Variants in SYNPO observed in about 807,000 individuals in gnomAD.
The protein encoded by SYNPO is synaptopodin.
SYNPO carries 19 observed loss-of-function variants against 49.5 expected under a neutral mutation model. The ratio of observed to expected loss-of-function variants is 0.38; its 90% CI spans 0.27 to 0.56. The LOEUF (loss-of-function observed/expected upper bound fraction) is 0.56. Ranked by LOEUF, SYNPO falls within the 20% of genes least tolerant of loss-of-function variation. SYNPO has a pLI of 0.68. For missense variants in SYNPO, 1,131 were observed against 1,248.3 expected (o/e 0.91, Z 1.42); for synonymous variants, 536 against 548.0 (o/e 0.98, Z 0.31).
At chr5:150,590,419 A>T in the SYNPO span, among the ~76,000 whole-genome samples, 1 of 152,252 alleles carries the variant, frequency 6.6e-6, no homozygotes, top group African/African-American at 2.4e-5. Flanking sequence ...GCTCCAGGCC[A>T]CACAGCAACT....
At chr5:150,639,353 G>A (rs566334326), upstream of SYNPO, among the ~76,000 whole-genome samples, 9 of 152,350 alleles carry the variant, frequency 5.9e-5, no homozygotes, top group East Asian at 5.8e-4. Context: ...TCAACCTGCC[G>A]TTTCCTCTGA....
At chr5:150,650,343 C>CG in intron 2 of SYNPO, 40 bp downstream of exon 2, 2 of 1,613,096 alleles carry the variant, frequency 1.2e-6, no homozygotes, top group Non-Finnish European at 1.7e-6. Flanking sequence ...ACGAACCCCA[C>CG]GGGGGTCCCA....
intron 1 of SYNPO, among the ~76,000 whole-genome samples, chr5:150,645,479 G>A (rs985385269): frequency 2.6e-5 from 4 of 152,216 alleles, no homozygotes; most frequent in African/African-American, 9.6e-5. Context: ...TATAAATTGA[G>A]CATCAACTGT....
the SYNPO span, among the ~76,000 whole-genome samples, chr5:150,590,245 A>G: frequency 6.6e-6 from 1 of 152,190 alleles, no homozygotes; most frequent in Non-Finnish European, 1.5e-5. Flanking sequence ...ATGAGGCCTG[A>G]GATGGTCCCC....
chr5:150,609,461 A>G (rs1756783659), intron 1 of SYNPO, among the ~76,000 whole-genome samples: 1 of 151,928 alleles, frequency 6.6e-6, no homozygotes, highest in South Asian at 2.1e-4. Context: ...CGCCCAGCTA[A>G]TTTTTGTATT....
intron 2 of SYNPO, among the ~76,000 whole-genome samples, chr5:150,629,624 C>A (rs1757473854): frequency 6.6e-6 from 1 of 152,122 alleles, no homozygotes; most frequent in Non-Finnish European, 1.5e-5. Context: ...AGTGGGCTAA[C>A]CTGAGACCCT....
chr5:150,627,455 G>A (rs1408817907), intron 2 of SYNPO, among the ~76,000 whole-genome samples: 1 of 152,206 alleles, frequency 6.6e-6, no homozygotes, highest in East Asian at 1.9e-4. Context: ...CTAGCAATGG[G>A]TTGGGATGGG....
intron 2 of SYNPO, among the ~76,000 whole-genome samples, chr5:150,656,077 A>C (rs1344939153): frequency 6.6e-6 from 1 of 152,268 alleles, no homozygotes; most frequent in Non-Finnish European, 1.5e-5. Context: ...TATAAGGTTA[A>C]GTACTGTTAT....
At chr5:150,650,481 T>C (rs1019347510) in intron 2 of SYNPO, 178 bp downstream of exon 2, 2 of 1,506,248 alleles carry the variant, frequency 1.3e-6, no homozygotes, top group Middle Eastern at 2.3e-4. Context: ...GCTGGCTTTG[T>C]GACCTTGGGC....
At position 150,649,296 on chromosome 5, in the gene SYNPO, T is replaced by C; in HGVS notation, c.1021T>C (p.Ser341Pro). 1 of 1,614,136 alleles carries C rather than the reference T, an allele frequency of 6.2e-7. No homozygotes were observed. Among genetic ancestry groups the C allele is most frequent in the Non-Finnish European group, 8.5e-7 (1 of 1,180,010 alleles). Residue 341 changes from serine to proline, a missense_variant, in exon 2 of 3, where the codon TCT (serine) becomes CCT (proline). By Grantham distance (74) the Ser-to-Pro change is moderately conservative. Around this residue, in one of 4 missense-constraint regions of SYNPO, gnomAD observed 602 missense variants for 720.7 expected, o/e 0.84. Coordinates refer to ENST00000307662, the MANE Select transcript of SYNPO (RefSeq NM_007286.6). Reference sequence around the variant, plus strand: ...CTGGGTGAGGTCTCCTCCCTCATATTCTGTCCTGTATCCCAGCTCCGACCC... The same window carrying C: ...CTGGGTGAGGTCTCCTCCCTCATATCCTGTCCTGTATCCCAGCTCCGACCC... ...ASWVRSPPSY[S>P]VLYPSSDPKS...
rs542769874 is a variant in SYNPO at position 150,622,546 on chromosome 5, C to A, written c.400+3779C>A. ...CTGGAGGTGTGTAGCAGATTTAGAG[C>A]CACTTCCAACTCTAGTGGACACTGT... On this transcript the variant is annotated intron_variant, in intron 2 of 2. Coordinates refer to the SYNPO transcript ENST00000394243. 3.7e-4 allele frequency among the ~76,000 whole-genome samples: 57 copies of A among 152,344 alleles called. 1 individual carries two copies. The highest frequency in any genetic ancestry group is 6.8e-3 in the Middle Eastern group (2 of 294).
At chr5:150,633,348 A>G (rs1367552059) in intron 2 of SYNPO, among the ~76,000 whole-genome samples, 1 of 152,234 alleles carries the variant, frequency 6.6e-6, no homozygotes, top group Non-Finnish European at 1.5e-5. Context: ...GATCAGGTTG[A>G]ACTCAGATTA....
intron 2 of SYNPO, among the ~76,000 whole-genome samples, chr5:150,654,580 A>C (rs1758495177): frequency 6.6e-6 from 1 of 152,190 alleles, no homozygotes; most frequent in Non-Finnish European, 1.5e-5. Flanking sequence ...TGCATCGCTG[A>C]CCAGTGCTTC....
At chr5:150,618,155 G>A in exon 2 of SYNPO, 1 of 551,730 alleles carries the variant, frequency 1.8e-6, no homozygotes, top group Non-Finnish European at 3.0e-6. Flanking sequence ...GGGATTGGAG[G>A]TCCACCACTC....
In SYNPO at chr5:150,619,240, C is replaced by T. The variant is rs114904530; in HGVS notation, c.400+473C>T. On this transcript the variant is annotated intron_variant, in intron 2 of 2. Transcript: ENST00000394243. Reference sequence around the variant, plus strand: ...CCTCATGGAGCTTGGGAGGTAGAGACTGAAGCCTTTGATAGAATTTGACCC... The same window carrying T: ...CCTCATGGAGCTTGGGAGGTAGAGATTGAAGCCTTTGATAGAATTTGACCC... 2.1e-3 allele frequency among the ~76,000 whole-genome samples: 327 copies of T among 152,178 alleles called. 1 individual carries two copies. The highest frequency in any genetic ancestry group is 3.3e-3 in the Non-Finnish European group (224 of 68,018).
At position 150,656,470 on chromosome 5, in the gene SYNPO, C is replaced by T; in HGVS notation, c.2095C>T (p.Leu699=). The T allele has an allele frequency of 6.5e-7, 1 of 1,533,066 alleles. No individual in the cohort carries two copies. The highest frequency in any genetic ancestry group is 8.7e-7 in the Non-Finnish European group (1 of 1,145,678). The allele number at this position is 1,533,066 out of a possible 1,614,324, so 95.0% of individuals were successfully genotyped here. A position where few individuals can be genotyped will look rare whatever the true frequency, so the allele number is the denominator to read the frequency against. The change falls in exon 3 of 3, where the codon CTA becomes TTA. Residue 699 remains leucine (L), a synonymous_variant. Transcript: ENST00000307662. ...TPGASRPPSS[L]DGWVSPGPWE... ...GGGCGCGTCCCGGCCCCCCAGCAGC[C>T]TAGACGGCTGGGTGAGCCCGGGCCC...
upstream of SYNPO, among the ~76,000 whole-genome samples, chr5:150,600,209 A>C (rs910901045): frequency 1.1e-4 from 16 of 152,244 alleles, no homozygotes; most frequent in Non-Finnish European, 1.9e-4. Flanking sequence ...TGAGGCTTCC[A>C]GGTCTGTTGG....
chr5:150,655,782 A>G (rs534576469), intron 2 of SYNPO, among the ~76,000 whole-genome samples: 65 of 152,262 alleles, frequency 4.3e-4, no homozygotes, highest in African/African-American at 1.5e-3. Flanking sequence ...CCCCCGCAGT[A>G]GCTGGGACTA....
intron 1 of SYNPO, among the ~76,000 whole-genome samples, chr5:150,612,838 G>T (rs1428145879): frequency 6.6e-6 from 1 of 152,106 alleles, no homozygotes; most frequent in Non-Finnish European, 1.5e-5. Flanking sequence ...GGAGTGCAGT[G>T]GCACAATCAT....
Sources: allele counts gnomAD v4.1 joint callset (sites outside exome capture counted in the v4.1 genomes callset), GRCh38; gene constraint gnomAD v4.1.1; regional missense constraint gnomAD v4.1.1; transcripts MANE v1.5; gene names NCBI Gene and HGNC (gene_info 2026-07-23, HGNC 2026-07-21).